The following ABTB3 variants were observed in gnomAD, a reference collection of about 807,000 sequenced individuals.
The protein encoded by ABTB3 is ankyrin repeat- and BTB/POZ domain-containing protein 3.
At chr12:107,394,547 G>A in the ABTB3 span, among the ~76,000 whole-genome samples, 2 of 152,208 alleles carry the variant, frequency 1.3e-5, no homozygotes, top group Non-Finnish European at 2.9e-5. Context: ...TCCAATGTGA[G>A]CTGTTTTTAC....
the ABTB3 span, among the ~76,000 whole-genome samples, chr12:107,438,797 G>A: frequency 2.0e-5 from 3 of 152,042 alleles, no homozygotes; most frequent in African/African-American, 7.2e-5. Flanking sequence ...CAATTATGCT[G>A]ATGGAAAAAA....
At chr12:107,529,066 G>T in the ABTB3 span, among the ~76,000 whole-genome samples, 2 of 148,178 alleles carry the variant, frequency 1.3e-5, no homozygotes, top group Non-Finnish European at 1.5e-5. Context: ...GATGGTGATA[G>T]TGATGTAATG....
chr12:107,504,764 G>T, the ABTB3 span, among the ~76,000 whole-genome samples: 1 of 152,144 alleles, frequency 6.6e-6, no homozygotes, highest in Non-Finnish European at 1.5e-5. Flanking sequence ...GCTATTACCT[G>T]GAAATGGTTT....
chr12:107,330,803 A>C, the ABTB3 span, among the ~76,000 whole-genome samples: 1 of 152,238 alleles, frequency 6.6e-6, no homozygotes, highest in East Asian at 1.9e-4. Context: ...CGGTTTTGCT[A>C]TACATCTCAC....
the ABTB3 span, among the ~76,000 whole-genome samples, chr12:107,384,113 A>G: frequency 6.6e-6 from 1 of 152,258 alleles, no homozygotes; most frequent in Non-Finnish European, 1.5e-5. Context: ...CAAAAATGGC[A>G]GTAACTGAGA....
chr12:107,628,142 T>G, the ABTB3 span, among the ~76,000 whole-genome samples: 1 of 151,586 alleles, frequency 6.6e-6, no homozygotes, highest in Non-Finnish European at 1.5e-5. Context: ...GGTCTTTTTT[T>G]GGGGGGTGGG....
At chr12:107,395,952 G>T in the ABTB3 span, among the ~76,000 whole-genome samples, 1 of 152,212 alleles carries the variant, frequency 6.6e-6, no homozygotes, top group African/African-American at 2.4e-5. Context: ...ACCCTGTGTG[G>T]CCTTGTCCAC....
At chr12:107,506,962 A>T in the ABTB3 span, among the ~76,000 whole-genome samples, 1 of 152,184 alleles carries the variant, frequency 6.6e-6, no homozygotes, top group Non-Finnish European at 1.5e-5. Context: ...TTATTGTTTT[A>T]TCTCTTTCTT....
chr12:107,378,450 C>T, the ABTB3 span, among the ~76,000 whole-genome samples: 1 of 152,322 alleles, frequency 6.6e-6, no homozygotes, highest in South Asian at 2.1e-4. Flanking sequence ...CTCTATAAGG[C>T]AGATACTGTC....
chr12:107,651,816 C>A, the ABTB3 span: 1 of 1,579,958 alleles, frequency 6.3e-7, no homozygotes, highest in South Asian at 1.1e-5. Context: ...GCGCAGTGCG[C>A]ACACAGGAGC....
the ABTB3 span, among the ~76,000 whole-genome samples, chr12:107,460,452 C>T: frequency 2.6e-5 from 4 of 152,156 alleles, no homozygotes; most frequent in African/African-American, 4.8e-5. Context: ...TGCAGGAGTT[C>T]GAGACCACCC....
chr12:107,380,552 C>G, the ABTB3 span, among the ~76,000 whole-genome samples: 1 of 152,210 alleles, frequency 6.6e-6, no homozygotes, highest in East Asian at 1.9e-4. Flanking sequence ...GAAACTGACA[C>G]CAAGAATTAG....
chr12:107,599,287 T>G, the ABTB3 span, among the ~76,000 whole-genome samples: 2 of 152,220 alleles, frequency 1.3e-5, no homozygotes, highest in Admixed American at 1.3e-4. Context: ...TGATCTCACT[T>G]CATCCTCACC....
the ABTB3 span, chr12:107,581,163 T>C: frequency 6.5e-7 from 1 of 1,537,854 alleles, no homozygotes; most frequent in Non-Finnish European, 8.8e-7. Context: ...CCCTTCCTCG[T>C]GCTGCCGCCG....
the ABTB3 span, among the ~76,000 whole-genome samples, chr12:107,635,856 C>T: frequency 1.4e-5 from 1 of 73,360 alleles, no homozygotes; most frequent in South Asian, 6.4e-4. Flanking sequence ...AACAACCCCC[C>T]CCCCCCCACC....
chr12:107,548,453 C>A, the ABTB3 span, among the ~76,000 whole-genome samples: 7 of 152,182 alleles, frequency 4.6e-5, no homozygotes, highest in African/African-American at 1.7e-4. Flanking sequence ...TGGAAGTAGG[C>A]CTGCATGCAC....
the ABTB3 span, among the ~76,000 whole-genome samples, chr12:107,323,026 G>A: frequency 1.3e-5 from 2 of 152,178 alleles, no homozygotes; most frequent in African/African-American, 4.8e-5. Flanking sequence ...TACACAGTTG[G>A]AGCTTATTAG....
the ABTB3 span, chr12:107,318,991 G>A: frequency 1.9e-6 from 3 of 1,613,744 alleles, no homozygotes; most frequent in Admixed American, 5.0e-5. Context: ...AGGATCTGAC[G>A]CTGGACTCGG....
chr12:107,566,043 C>G, the ABTB3 span, among the ~76,000 whole-genome samples: 2 of 152,160 alleles, frequency 1.3e-5, no homozygotes, highest in East Asian at 3.9e-4. Flanking sequence ...TCGGTAACAT[C>G]TAGACTGCGA....
Sources: gnomAD v4.1 joint callset for allele counts (sites outside exome capture counted in the v4.1 genomes callset) on GRCh38, gnomAD v4.1.1 for gene constraint, MANE v1.5 for transcripts, NCBI Gene and HGNC (gene_info 2026-07-23, HGNC 2026-07-21) for gene names.